The following ZIM2 variants were observed in gnomAD, a reference collection of about 807,000 sequenced individuals.
The protein encoded by ZIM2 is zinc finger imprinted 2.
A neutral mutation model predicts 38.6 loss-of-function variants in ZIM2; 14 were observed. That is an observed-to-expected ratio of 0.36 (90% CI 0.24 to 0.57). ZIM2 has a LOEUF of 0.57. Among genes scored for constraint, ZIM2 ranks in the 20% least tolerant of loss-of-function variants. The pLI, the probability that ZIM2 is intolerant of heterozygous loss-of-function variation, is 0.81. For synonymous variants in ZIM2, 247 were observed against 245.8 expected (o/e 1.00, Z -0.04); for missense variants, 680 against 695.1 (o/e 0.98, Z 0.24).
At chr19:56,817,085 C>T (rs2060045622) in intron 9 of ZIM2, 2 of 1,614,186 alleles carry the variant, frequency 1.2e-6, no homozygotes, top group Non-Finnish European at 1.7e-6. Flanking sequence ...TCATCACATA[C>T]ATATGGCATT....
chr19:56,789,176 T>C (rs1005659520), intron 10 of ZIM2, among the ~76,000 whole-genome samples: 6 of 152,136 alleles, frequency 3.9e-5, no homozygotes, highest in Non-Finnish European at 7.4e-5. Context: ...TGCATCCTTA[T>C]GCAAAAAATT....
In ZIM2 at chr19:56,832,520, C is replaced by T. The variant is rs77902792; in HGVS notation, c.-227+3498G>A. ...CCTGGCTTGAAGGTGGGCTCCCACACACCCCTCATTACTAAAGCTTCCATA... is the reference window on the plus strand; with the variant it reads ...CCTGGCTTGAAGGTGGGCTCCCACATACCCCTCATTACTAAAGCTTCCATA... On this transcript the variant is annotated intron_variant, in intron 2 of 12. Transcript: ENST00000629319. Among the ~76,000 whole-genome samples the T allele has an allele frequency of 5.2e-3, 792 of 152,360 alleles. 10 individuals are homozygous for T. The highest frequency in any genetic ancestry group is 0.018 in the African/African-American group (762 of 41,578).
At chr19:56,791,545 T>G (rs1239637965) in intron 9 of ZIM2, among the ~76,000 whole-genome samples, 1 of 152,186 alleles carries the variant, frequency 6.6e-6, no homozygotes, top group African/African-American at 2.4e-5. Flanking sequence ...TTGTTTATAT[T>G]TTTAAGTATA....
intron 9 of ZIM2, chr19:56,799,725 C>T (rs1302641119): frequency 6.6e-6 from 1 of 152,132 alleles, no homozygotes; most frequent in Non-Finnish European, 1.5e-5. Context: ...AAAAGAAATA[C>T]TTGTACATGA....
Position 56,817,472 on chromosome 19 carries a change from G to A in ZIM2, c.490+274C>T, listed in dbSNP as rs112736049. On this transcript the variant is annotated intron_variant, in intron 9 of 12. Coordinates refer to ENST00000629319, the MANE Select transcript of ZIM2 (RefSeq NM_001387356.1). ...CTTGCTCTTCCCGATTTGGAACTGC[G>A]TGACACATCCTTGATGAATTTTTCC... 5.9e-4 allele frequency: 945 copies of A among 1,613,514 alleles called. 3 individuals carry two copies. The highest frequency in any genetic ancestry group is 6.6e-4 in the Middle Eastern group (4 of 6,060).
intron 9 of ZIM2, among the ~76,000 whole-genome samples, chr19:56,800,663 A>G (rs1378029633): frequency 6.6e-6 from 1 of 152,156 alleles, no homozygotes; most frequent in Non-Finnish European, 1.5e-5. Context: ...TAAGAAAAGA[A>G]ATAATTTTAT....
chr19:56,828,876 T>C (rs995038177), intron 2 of ZIM2, among the ~76,000 whole-genome samples: 1 of 152,000 alleles, frequency 6.6e-6, no homozygotes, highest in Non-Finnish European at 1.5e-5. Context: ...AAGATGAAAA[T>C]TGATGCTAGT....
rs2045910398 is a variant in ZIM2 at position 56,774,547 on chromosome 19, T to G, written c.*141A>C. Reference sequence around the variant, plus strand: ...AATCCCCTCTTCGAAAAATTGCAACTTTTTTTTTTTTTTTACCACACTTTG... The same window carrying G: ...AATCCCCTCTTCGAAAAATTGCAACGTTTTTTTTTTTTTTACCACACTTTG... On this transcript the variant is annotated 3_prime_UTR_variant, in exon 13 of 13. Transcript: ENST00000629319. The G allele has an allele frequency of 1.9e-5, 4 of 211,688 alleles. No homozygotes were observed. The highest frequency in any genetic ancestry group is 2.8e-5 in the Non-Finnish European group (4 of 144,956). The allele number at this position is 211,688 out of a possible 1,614,324, so 13.1% of individuals were successfully genotyped here. A position where few individuals can be genotyped will look rare whatever the true frequency, so the allele number is the denominator to read the frequency against.
chr19:56,786,633 AT>A (rs943476194), intron 10 of ZIM2, among the ~76,000 whole-genome samples: 2 of 152,128 alleles, frequency 1.3e-5, no homozygotes, highest in Non-Finnish European at 2.9e-5. Flanking sequence ...AAATCCAAAA[AT>A]TTAGTTGAAA....
At chr19:56,792,619 G>C (rs560679922) in intron 9 of ZIM2, among the ~76,000 whole-genome samples, 2 of 150,314 alleles carry the variant, frequency 1.3e-5, no homozygotes, top group South Asian at 2.1e-4. Flanking sequence ...GGTATACATG[G>C]ACTCTAAGAC....
chr19:56,814,954 T>C lies in ZIM2; in HGVS notation c.490+2792A>G. On this transcript the variant is annotated intron_variant, in intron 9 of 12. Transcript: ENST00000629319. The surrounding 1 kb of genome is among the most constrained non-coding windows in gnomAD (Gnocchi z 5.8). The stretch of plus-strand genomic sequence containing the variant: ...AGATTCCCCACACTTTGGACATTCA[T>C]ACAGCTGCTCTCCAGTGTAATCTCT... The C allele has an allele frequency of 3.7e-6, 6 of 1,614,182 alleles. No individual in the cohort carries two copies. Among genetic ancestry groups the C allele is most frequent in the Non-Finnish European group, 5.1e-6 (6 of 1,180,022 alleles).
At position 56,822,688 on chromosome 19, in the gene ZIM2, C is replaced by T. The variant is rs1054747277; in HGVS notation, c.190+65G>A. On this transcript the variant is annotated intron_variant, in intron 6 of 12. Transcript: ENST00000629319. The stretch of plus-strand genomic sequence containing the variant: ...AAACTTCGAGGCCCTGGCACTTTCC[C>T]CTTGAACCTGTGCACAGCACATGCT... 2.5e-6 allele frequency: 4 copies of T among 1,589,220 alleles called. No homozygotes were observed. In the South Asian group the frequency reaches 3.4e-5, roughly 14 times the overall value.
At chr19:56,818,935 T>C (rs767320068) in intron 7 of ZIM2, among the ~76,000 whole-genome samples, 4 of 152,204 alleles carry the variant, frequency 2.6e-5, no homozygotes, top group Admixed American at 6.5e-5. Flanking sequence ...CTTGCCCTCA[T>C]GCAGCTTATA....
At chr19:56,813,181 T>TGGAGGC (rs1568607848) in intron 9 of ZIM2, 1 of 977,870 alleles carries the variant, frequency 1.0e-6, no homozygotes, top group Admixed American at 6.5e-5. Context: ...ATAATCAAAT[T>TGGAGGC]TGTTGCTCTC....
chr19:56,776,228 G>T (rs1334045611), intron 12 of ZIM2, among the ~76,000 whole-genome samples: 2 of 152,108 alleles, frequency 1.3e-5, no homozygotes, highest in Non-Finnish European at 2.9e-5. Context: ...AGAATGAGCA[G>T]AAATCAGAGA....
In ZIM2 at chr19:56,814,865, T is replaced by G. The variant is rs759286153; in HGVS notation, c.490+2881A>C. 5 of 1,614,020 alleles carry G rather than the reference T, an allele frequency of 3.1e-6. No individual in the cohort carries two copies. Among genetic ancestry groups the G allele is most frequent in the Non-Finnish European group, 4.2e-6 (5 of 1,180,026 alleles). ...ATAAAACCATCATCACACCCCTTCA[T>G]GGAATACAACTGGTCTTGTTCATGG... On this transcript the variant is annotated intron_variant, in intron 9 of 12. Coordinates refer to ENST00000629319, the MANE Select transcript of ZIM2 (RefSeq NM_001387356.1). The surrounding 1 kb of genome is among the most constrained non-coding windows in gnomAD (Gnocchi z 5.8).
At chr19:56,801,077 G>C (rs1375699894) in intron 9 of ZIM2, among the ~76,000 whole-genome samples, 4 of 151,636 alleles carry the variant, frequency 2.6e-5, no homozygotes, top group African/African-American at 9.7e-5. Flanking sequence ...TGGGATTACA[G>C]GTGCCCACCA....
intron 11 of ZIM2, among the ~76,000 whole-genome samples, chr19:56,781,274 C>T (rs919720351): frequency 6.6e-6 from 1 of 152,074 alleles, no homozygotes; most frequent in Non-Finnish European, 1.5e-5. Context: ...TTCAGGAGAC[C>T]TCAAGCCCCC....
Position 56,775,078 on chromosome 19 carries a change from A to ACGTGTAAGAGCC in ZIM2, c.1286_1287insGGCTCTTACACG (p.Asn429delinsLysAlaLeuThrArg). The stretch of plus-strand genomic sequence containing the variant: ...TGTGAATTCTTACACGTTCACAGAG[A>ACGTGTAAGAGCC]TTCGCACACTGGACGGAAGGCTTTC... On this transcript the variant is annotated protein_altering_variant, in exon 13 of 13. Coordinates refer to ENST00000629319, the MANE Select transcript of ZIM2 (RefSeq NM_001387356.1). 1 of 1,614,164 alleles carries ACGTGTAAGAGCC rather than the reference A, an allele frequency of 6.2e-7. No homozygotes were observed. The highest frequency in any genetic ancestry group is 8.5e-7 in the Non-Finnish European group (1 of 1,180,036).
Sources: gnomAD v4.1 joint callset for allele counts (sites outside exome capture counted in the v4.1 genomes callset) on GRCh38, gnomAD v4.1.1 for gene constraint, Gnocchi (gnomAD v3.1) non-coding constraint, MANE v1.5 for transcripts, NCBI Gene and HGNC (gene_info 2026-07-23, HGNC 2026-07-21) for gene names.